Variants in KIAA1549 observed in about 807,000 individuals in gnomAD.
KIAA1549 encodes UPF0606 protein KIAA1549.
KIAA1549 carries 70 observed loss-of-function variants against 156.4 expected under a neutral mutation model. That is an observed-to-expected ratio of 0.45 (90% CI 0.37 to 0.55). KIAA1549 has a LOEUF of 0.55. Ranked by LOEUF, KIAA1549 falls within the 20% of genes least tolerant of loss-of-function variation. KIAA1549 has a pLI of 0.00. For missense variants in KIAA1549, 2,428 were observed against 2,540.9 expected (o/e 0.96, Z 0.96); for synonymous variants, 1,103 against 1,066.4 (o/e 1.03, Z -0.67).
In KIAA1549 at chr7:138,917,700, C is replaced by T. The variant is rs764962649; in HGVS notation, c.1926G>A (p.Ser642=). ...LELSGSISSP[S]EAPASLSLMP... is the part of the protein sequence containing the mutation. ...TCAGAGACAGAGACGCAGGTGCTTC[C>T]GAAGGCGAAGAGATGGAGCCGCTGA... Residue 642 remains serine, a synonymous_variant, in exon 2 of 20, where the codon TCG becomes TCA. Coordinates refer to ENST00000422774, the MANE Select transcript of KIAA1549 (RefSeq NM_001164665.2). The T allele has an allele frequency of 2.9e-5, 47 of 1,604,142 alleles. No homozygotes were observed. The highest frequency in any genetic ancestry group is 6.7e-5 in the South Asian group (6 of 89,508).
At chr7:138,931,007 C>G (rs1392732521) in intron 1 of KIAA1549, among the ~76,000 whole-genome samples, 1 of 152,132 alleles carries the variant, frequency 6.6e-6, no homozygotes, top group African/African-American at 2.4e-5. Flanking sequence ...ATAAACTGGA[C>G]TAATTTCAAA....
At chr7:138,971,330 T>C (rs1430233453) in intron 1 of KIAA1549, among the ~76,000 whole-genome samples, 1 of 151,724 alleles carries the variant, frequency 6.6e-6, no homozygotes, top group Non-Finnish European at 1.5e-5. Context: ...AGACCCATAC[T>C]CCCCCATACA....
chr7:138,878,473 T>C (rs1811150076), intron 12 of KIAA1549, among the ~76,000 whole-genome samples: 1 of 152,164 alleles, frequency 6.6e-6, no homozygotes, highest in South Asian at 2.1e-4. Context: ...TTAAAAATAA[T>C]ATCCTGGCCG....
At chr7:138,876,135 T>C (rs1002675939) in intron 12 of KIAA1549, among the ~76,000 whole-genome samples, 2 of 152,186 alleles carry the variant, frequency 1.3e-5, no homozygotes, top group Admixed American at 1.3e-4. Context: ...TTAGCAAGCA[T>C]TTGCTAAACG....
intron 1 of KIAA1549, among the ~76,000 whole-genome samples, chr7:138,972,078 C>T (rs1584793985): frequency 9.2e-5 from 14 of 152,120 alleles, no homozygotes; most frequent in Admixed American, 9.2e-4. Flanking sequence ...GTGGTGGCAG[C>T]GATGGTACAG....
chr7:138,842,248 A>G (rs1323665355), intron 18 of KIAA1549, among the ~76,000 whole-genome samples: 1 of 152,204 alleles, frequency 6.6e-6, no homozygotes, highest in Non-Finnish European at 1.5e-5. Flanking sequence ...TTAACTATAC[A>G]GCACAGGCTT....
chr7:138,876,024 A>G (rs1337993206), intron 12 of KIAA1549, among the ~76,000 whole-genome samples: 5 of 151,626 alleles, frequency 3.3e-5, no homozygotes, highest in African/African-American at 1.2e-4. Context: ...CTGGAAAACC[A>G]CATCTTTACT....
chr7:138,939,681 T>C (rs1813117487), intron 1 of KIAA1549, among the ~76,000 whole-genome samples: 1 of 152,196 alleles, frequency 6.6e-6, no homozygotes, highest in Non-Finnish European at 1.5e-5. Flanking sequence ...TTTCTGGCTG[T>C]TCTATTCTGA....
chr7:138,935,156 C>T (rs1446824114), intron 1 of KIAA1549, among the ~76,000 whole-genome samples: 2 of 152,092 alleles, frequency 1.3e-5, no homozygotes, highest in Admixed American at 6.5e-5. Context: ...TGACTGCAAC[C>T]AAACAATACT....
intron 19 of KIAA1549, among the ~76,000 whole-genome samples, chr7:138,839,831 A>C (rs1355256254): frequency 1.8e-5 from 2 of 111,396 alleles, no homozygotes; most frequent in Admixed American, 1.4e-4. Context: ...TCTGTCACCC[A>C]GGCTGGAGTG....
At chr7:138,945,130 T>C (rs147293318) in intron 1 of KIAA1549, among the ~76,000 whole-genome samples, 1 of 152,348 alleles carries the variant, frequency 6.6e-6, no homozygotes, top group African/African-American at 2.4e-5. Flanking sequence ...AGTTCACTTA[T>C]TTTCTACCAG....
intron 1 of KIAA1549, among the ~76,000 whole-genome samples, chr7:138,977,952 G>T (rs1197644204): frequency 6.6e-6 from 1 of 152,160 alleles, no homozygotes; most frequent in Non-Finnish European, 1.5e-5. Flanking sequence ...CGCCCACCTC[G>T]GCTTCCCAAA....
At chr7:138,886,328 G>A (rs1001888230) in intron 10 of KIAA1549, among the ~76,000 whole-genome samples, 2 of 152,074 alleles carry the variant, frequency 1.3e-5, no homozygotes, top group Non-Finnish European at 2.9e-5. Flanking sequence ...AGGCTGGAGT[G>A]CAGTAGCACA....
At chr7:138,967,048 C>A (rs1230454992) in intron 1 of KIAA1549, among the ~76,000 whole-genome samples, 1 of 152,208 alleles carries the variant, frequency 6.6e-6, no homozygotes, top group Non-Finnish European at 1.5e-5. Flanking sequence ...TGTTTATCTG[C>A]TGCATTTACA....
intron 5 of KIAA1549, among the ~76,000 whole-genome samples, chr7:138,908,173 C>T (rs767931362): frequency 1.3e-5 from 2 of 152,094 alleles, no homozygotes; most frequent in South Asian, 2.1e-4. Context: ...TCCAGATTTA[C>T]AGAAACTAAC....
chr7:138,911,419 T>TTTTA, intron 3 of KIAA1549, 96 bp from the exon 4 acceptor site: 2 of 893,312 alleles, frequency 2.2e-6, no homozygotes, highest in Non-Finnish European at 1.7e-6. Context: ...CTGGTAGTTT[T>TTTTA]GAATGAAGGG....
chr7:138,831,831 C>T lies in KIAA1549; in HGVS notation c.*6075G>A, dbSNP rs77337695. 264 of 232,610 alleles carry T rather than the reference C, an allele frequency of 1.1e-3. No homozygotes were observed. Among genetic ancestry groups the T allele is most frequent in the African/African-American group, 5.1e-3 (234 of 45,454 alleles). 14.4% of individuals were successfully genotyped at this position (232,610 alleles called of 1,614,324 possible). A position where few individuals can be genotyped will look rare whatever the true frequency, so the allele number is the denominator to read the frequency against. ...CTATTAACGCTAGCCAGACTCCCTG[C>T]GTCCCAGAGATGCTCCGGAGGAGGG... On this transcript the variant is annotated 3_prime_UTR_variant, in exon 20 of 20. Transcript: ENST00000422774.
chr7:138,870,778 C>T (rs1226309514), intron 13 of KIAA1549, among the ~76,000 whole-genome samples: 1 of 152,228 alleles, frequency 6.6e-6, no homozygotes, highest in Non-Finnish European at 1.5e-5. Context: ...ACCTTGCACT[C>T]ATTTTCAAAC....
intron 1 of KIAA1549, among the ~76,000 whole-genome samples, chr7:138,938,484 G>T (rs1813082982): frequency 2.0e-5 from 3 of 152,078 alleles, no homozygotes; most frequent in Non-Finnish European, 2.9e-5. Flanking sequence ...CTACTGATTA[G>T]CAATTATCCA....
Sources: allele counts gnomAD v4.1 joint callset (sites outside exome capture counted in the v4.1 genomes callset), GRCh38; gene constraint gnomAD v4.1.1; transcripts MANE v1.5; gene names NCBI Gene and HGNC (gene_info 2026-07-23, HGNC 2026-07-21).